Variants in MAP2K4 observed in about 807,000 individuals in gnomAD.
The protein encoded by MAP2K4 is mitogen-activated protein kinase kinase 4.
A neutral mutation model predicts 48.5 loss-of-function variants in MAP2K4; 4 were observed. The observed-to-expected ratio is 0.08, with a 90% CI of 0.04 to 0.19. The LOEUF (loss-of-function observed/expected upper bound fraction) is 0.19. Ranked by LOEUF, MAP2K4 falls within the 10% of genes least tolerant of loss-of-function variation. The probability of loss-of-function intolerance (pLI) is 1.00; values close to 1 mark genes in which losing one functional copy is unlikely to be tolerated. For synonymous variants in MAP2K4, 166 were observed against 173.1 expected, an observed-to-expected ratio of 0.96 and a Z score of 0.32; for missense variants, 258 against 493.3, an observed-to-expected ratio of 0.52 and a Z score of 4.52.
intron 7 of MAP2K4, among the ~76,000 whole-genome samples, chr17:12,113,817 G>A (rs1037742679): frequency 2.0e-5 from 3 of 152,014 alleles, no homozygotes; most frequent in African/African-American, 4.8e-5. Flanking sequence ...AAAGGTAGAG[G>A]CCTTCAGTAT....
Position 12,142,434 on chromosome 17 carries a change from A to G in MAP2K4, c.*1174A>G, listed in dbSNP as rs539172755. The stretch of plus-strand genomic sequence containing the variant: ...TAATCCAATATTTTGCCTTTTTTCT[A>G]TATCAAAAAACCTTTACAGTTAGCA... On this transcript the variant is annotated 3_prime_UTR_variant, in exon 11 of 11. Coordinates refer to ENST00000353533, the MANE Select transcript of MAP2K4 (RefSeq NM_003010.4). 51 of 233,024 alleles carry G rather than the reference A, an allele frequency of 2.2e-4. No homozygotes were observed. The highest frequency in any genetic ancestry group is 1.1e-3 in the African/African-American group (51 of 45,442). 14.4% of individuals were successfully genotyped at this position (233,024 alleles called of 1,614,324 possible).
Position 12,107,744 on chromosome 17 carries a change from T to C in MAP2K4, c.514-46T>C, listed in dbSNP as rs1972167609. The C allele has an allele frequency of 9.4e-6, 14 of 1,485,834 alleles. No homozygotes were observed. In the East Asian group the frequency reaches 3.4e-4, roughly 36 times the overall value. The allele number at this position is 1,485,834 out of a possible 1,614,324, so 92.0% of individuals were successfully genotyped here. ...ATTTCCATTTTAAGTAAAGGCAAGG[T>C]GATATTTAAGATGTATAAGAATAAC... On this transcript the variant is annotated intron_variant, in intron 4 of 10. Coordinates refer to ENST00000353533, the MANE Select transcript of MAP2K4 (RefSeq NM_003010.4).
intron 3 of MAP2K4, among the ~76,000 whole-genome samples, chr17:12,084,719 A>G (rs541499500): frequency 1.1e-4 from 17 of 152,286 alleles, no homozygotes; most frequent in Non-Finnish European, 1.9e-4. Context: ...CAACACATCA[A>G]TTAACATATA....
rs1973421115 is a variant in MAP2K4 at position 12,143,019 on chromosome 17, T to C, written c.*1759T>C. 2 of 232,974 alleles carry C rather than the reference T, an allele frequency of 8.6e-6. No individual in the cohort carries two copies. The highest frequency in any genetic ancestry group is 1.7e-5 in the Non-Finnish European group (2 of 117,846). The allele number at this position is 232,974 out of a possible 1,614,324, so 14.4% of individuals were successfully genotyped here. On this transcript the variant is annotated 3_prime_UTR_variant, in exon 11 of 11. Coordinates refer to ENST00000353533, the MANE Select transcript of MAP2K4 (RefSeq NM_003010.4). The stretch of plus-strand genomic sequence containing the variant: ...CTGTTTAAAGTCACATCCCTGTAAA[T>C]TGCAGAATTCAAAAGTGATTATCTC...
chr17:12,136,753 A>G (rs1973224663), intron 9 of MAP2K4, among the ~76,000 whole-genome samples: 1 of 152,228 alleles, frequency 6.6e-6, no homozygotes, highest in African/African-American at 2.4e-5. Context: ...TTTCTGCTCC[A>G]GTAGATGAAA....
chr17:12,022,272 A>G (rs1271150020), intron 1 of MAP2K4, among the ~76,000 whole-genome samples: 1 of 152,210 alleles, frequency 6.6e-6, no homozygotes, highest in Non-Finnish European at 1.5e-5. Context: ...TTTAATATAC[A>G]TAAAAACCAG....
At chr17:12,111,659 C>T (rs772523634) in intron 6 of MAP2K4, among the ~76,000 whole-genome samples, 2 of 152,070 alleles carry the variant, frequency 1.3e-5, no homozygotes, top group Non-Finnish European at 2.9e-5. Context: ...TGTTCTCTTA[C>T]TAAATGAAGT....
intron 3 of MAP2K4, among the ~76,000 whole-genome samples, chr17:12,088,568 A>AATATATT (rs1971456138): frequency 7.5e-6 from 1 of 133,192 alleles, no homozygotes; most frequent in South Asian, 2.3e-4. Flanking sequence ...ATATATATTA[A>AATATATT]ATATATAATA....
At chr17:12,090,342 CTGACCTCTCTAG>C (rs1265419580) in intron 3 of MAP2K4, among the ~76,000 whole-genome samples, 1 of 152,098 alleles carries the variant, frequency 6.6e-6, no homozygotes, top group Non-Finnish European at 1.5e-5. Context: ...AAGGTGTGTG[CTGACCTCTCTAG>C]TAACTGAGAT....
chr17:12,078,688 C>T (rs1179841449), intron 2 of MAP2K4, among the ~76,000 whole-genome samples: 1 of 152,076 alleles, frequency 6.6e-6, no homozygotes. Context: ...TTGTATTTTT[C>T]ACCAATCTTC....
intron 1 of MAP2K4, among the ~76,000 whole-genome samples, chr17:12,030,906 G>A (rs2151509440): frequency 6.6e-6 from 1 of 152,286 alleles, no homozygotes; most frequent in South Asian, 2.1e-4. Flanking sequence ...ATGCGGGGAA[G>A]ACTTGCCTGC....
chr17:12,064,161 A>C (rs1318856149), intron 2 of MAP2K4, among the ~76,000 whole-genome samples: 1 of 152,064 alleles, frequency 6.6e-6, no homozygotes, highest in South Asian at 2.1e-4. Context: ...TTGAGACAAA[A>C]TCTCACTCTG....
At chr17:12,128,113 T>A (rs1972909324) in intron 8 of MAP2K4, among the ~76,000 whole-genome samples, 1 of 152,246 alleles carries the variant, frequency 6.6e-6, no homozygotes, top group African/African-American at 2.4e-5. Flanking sequence ...AGTCTCTCTC[T>A]GTCCCCCAGG....
At chr17:12,107,335 C>CG (rs1368933329) in intron 4 of MAP2K4, among the ~76,000 whole-genome samples, 8 of 148,872 alleles carry the variant, frequency 5.4e-5, no homozygotes, top group Non-Finnish European at 5.9e-5. Context: ...GGCATTTGTA[C>CG]GGGGTCTTGA....
chr17:12,068,764 A>G (rs1304979851), intron 2 of MAP2K4, among the ~76,000 whole-genome samples: 2 of 148,374 alleles, frequency 1.3e-5, no homozygotes, highest in Admixed American at 6.8e-5. Context: ...ATATATATAT[A>G]TAGCGTGTGT....
At chr17:12,034,644 TC>T (rs1969537868) in intron 1 of MAP2K4, among the ~76,000 whole-genome samples, 1 of 152,232 alleles carries the variant, frequency 6.6e-6, no homozygotes, top group South Asian at 2.1e-4. Context: ...GTTAGCAAGC[TC>T]ATAGTTTAGT....
At chr17:12,138,041 C>T (rs915950508) in intron 9 of MAP2K4, among the ~76,000 whole-genome samples, 2 of 152,014 alleles carry the variant, frequency 1.3e-5, no homozygotes, top group Non-Finnish European at 2.9e-5. Context: ...GATTTGTTCC[C>T]AGCCACAATA....
In MAP2K4 at chr17:12,142,866, G is replaced by A. The variant is rs1182214518; in HGVS notation, c.*1606G>A. On this transcript the variant is annotated 3_prime_UTR_variant, in exon 11 of 11. Coordinates refer to ENST00000353533, the MANE Select transcript of MAP2K4 (RefSeq NM_003010.4). Reference sequence around the variant, plus strand: ...CACTGTGAGTGGTTCAAGCACACTGGAATATAAAACAGTCATGGCCTGAGA... The same window carrying A: ...CACTGTGAGTGGTTCAAGCACACTGAAATATAAAACAGTCATGGCCTGAGA... 2 of 232,522 alleles carry A rather than the reference G, an allele frequency of 8.6e-6. No homozygotes were observed. Among genetic ancestry groups the A allele is most frequent in the Non-Finnish European group, 8.5e-6 (1 of 117,684 alleles). The allele number at this position is 232,522 out of a possible 1,614,324, so 14.4% of individuals were successfully genotyped here.
chr17:12,080,265 GT>G (rs1436842803), intron 2 of MAP2K4, among the ~76,000 whole-genome samples: 1 of 152,124 alleles, frequency 6.6e-6, no homozygotes, highest in African/African-American at 2.4e-5. Flanking sequence ...AACTTTGCTT[GT>G]TTGCATCATA....
Sources: gnomAD v4.1 joint callset for allele counts (sites outside exome capture counted in the v4.1 genomes callset) on GRCh38, gnomAD v4.1.1 for gene constraint, MANE v1.5 for transcripts, NCBI Gene and HGNC (gene_info 2026-07-23, HGNC 2026-07-21) for gene names.